The following KIF5B variants were observed in gnomAD, a reference collection of about 807,000 sequenced individuals.
The protein encoded by KIF5B is kinesin family member 5B.
In KIF5B, 49 loss-of-function variants were observed where a neutral mutation model predicts 132.8. The ratio of observed to expected loss-of-function variants is 0.37; its 90% CI spans 0.29 to 0.47. The LOEUF is 0.47. Among genes scored for constraint, KIF5B ranks in the 20% least tolerant of loss-of-function variants. The pLI, the probability that KIF5B is intolerant of heterozygous loss-of-function variation, is 1.00. For synonymous variants in KIF5B, 355 were observed against 369.4 expected, an observed-to-expected ratio of 0.96 and a Z score of 0.45; for missense variants, 780 against 1,144.0, an observed-to-expected ratio of 0.68 and a Z score of 4.59.
At chr10:32,033,697 A>C in intron 12 of KIF5B, 148 bp downstream of exon 12, 1 of 551,462 alleles carries the variant, frequency 1.8e-6, no homozygotes, top group Non-Finnish European at 3.1e-6. Flanking sequence ...TTGTTAATAC[A>C]ATAATTTTTA....
chr10:32,050,558 G>GT (rs1841680441), intron 1 of KIF5B, among the ~76,000 whole-genome samples: 1 of 152,176 alleles, frequency 6.6e-6, no homozygotes, highest in Non-Finnish European at 1.5e-5. Flanking sequence ...GTGAGGAACC[G>GT]TGAAGGGCCT....
intron 19 of KIF5B, among the ~76,000 whole-genome samples, chr10:32,020,526 T>G (rs1206042940): frequency 6.6e-6 from 1 of 152,088 alleles, no homozygotes; most frequent in Non-Finnish European, 1.5e-5. Flanking sequence ...ACTCAAGCAA[T>G]CCTCGTGCCA....
chr10:32,019,849 A>G lies in KIF5B; in HGVS notation c.2306+9T>C. The G allele has an allele frequency of 1.3e-6, 2 of 1,551,044 alleles. No homozygotes were observed. Reference sequence around the variant, plus strand: ...TATTTTTAAACTTTAATTAAAAACAATTACTCACGTAAGTTCATGTAGTTT... The same window carrying G: ...TATTTTTAAACTTTAATTAAAAACAGTTACTCACGTAAGTTCATGTAGTTT... On this transcript the variant is annotated intron_variant, in intron 20 of 25. Coordinates refer to ENST00000302418, the MANE Select transcript of KIF5B (RefSeq NM_004521.3).
At chr10:32,051,621 T>C (rs1052313038) in intron 1 of KIF5B, among the ~76,000 whole-genome samples, 4 of 152,204 alleles carry the variant, frequency 2.6e-5, no homozygotes, top group African/African-American at 4.8e-5. Flanking sequence ...AGTGATTATC[T>C]TTCTAGAAGT....
intron 14 of KIF5B, among the ~76,000 whole-genome samples, chr10:32,029,652 C>T (rs1841377029): frequency 6.6e-6 from 1 of 152,116 alleles, no homozygotes; most frequent in South Asian, 2.1e-4. Context: ...ACTGTCTAAG[C>T]ATATAAACAG....
Position 32,037,590 on chromosome 10 carries a change from A to G in KIF5B, c.516T>C (p.Phe172=), listed in dbSNP as rs746438978. Residue 172 remains phenylalanine, a synonymous_variant, in exon 7 of 26, where the codon TTT becomes TTC. Transcript: ENST00000302418. The stretch of plus-strand genomic sequence containing the variant: ...CCATAACTTCATCTGGACTACATAC[A>G]AAACGCTCTGTGCACCCCTGTGAAA... ...VPYVKGCTER[F]VCSPDEVMDT... 4.8e-5 allele frequency: 77 copies of G among 1,612,008 alleles called. 2 individuals are homozygous for G. In the South Asian group the frequency reaches 8.5e-4, roughly 18 times the overall value.
rs181679447 is a variant in KIF5B, at chr10:32,012,960, G to A, written c.*21-1444C>T. The stretch of plus-strand genomic sequence containing the variant: ...CTTGTTGCCCAGGCTGGAGTGCAAT[G>A]CCACGATCTCGGATCACTGCAAACT... On this transcript the variant is annotated intron_variant, in intron 25 of 25. Transcript: ENST00000302418. Among the ~76,000 whole-genome samples the A allele has an allele frequency of 3.0e-4, 45 of 148,444 alleles. No homozygotes were observed. The East Asian group carries it at 8.5e-3, about 28-fold the overall frequency.
rs150607673 is a variant in KIF5B at position 32,019,101 on chromosome 10, A to G, written c.2307-539T>C. On this transcript the variant is annotated intron_variant, in intron 20 of 25. Transcript: ENST00000302418. The stretch of plus-strand genomic sequence containing the variant: ...TAAAATGTGGCAGAATTCAAAGAAT[A>G]AGGAATAGTTCTATAATTTATATTT... 4.8e-4 allele frequency among the ~76,000 whole-genome samples: 73 copies of G among 152,352 alleles called. 1 individual carries two copies. The East Asian group carries it at 0.011, about 22-fold the overall frequency.
intron 25 of KIF5B, 142 bp downstream of exon 25, chr10:32,015,367 A>C: frequency 1.7e-6 from 1 of 577,544 alleles, no homozygotes; most frequent in Non-Finnish European, 2.9e-6. Flanking sequence ...AAACTACACA[A>C]AAAGATCAAA....
chr10:32,040,967 G>A (rs1841527668), intron 2 of KIF5B, among the ~76,000 whole-genome samples: 1 of 146,240 alleles, frequency 6.8e-6, no homozygotes, highest in Non-Finnish European at 1.5e-5. Flanking sequence ...CAGTCTGGGT[G>A]ACAGAGTAAG....
Position 32,026,437 on chromosome 10 carries a change from CAAAAAAA to C in KIF5B, c.1725+1984_1725+1990del, listed in dbSNP as rs71027049. On this transcript the variant is annotated intron_variant, in intron 15 of 25. Transcript: ENST00000302418. ...TGGGAGACACAGTGAGATTCCGTCT[CAAAAAAA>C]AAAAAAAAAAAAAAAAAGTAACGCT... is the stretch of plus-strand genomic sequence containing the variant. Among the ~76,000 whole-genome samples the C allele has an allele frequency of 5.2e-3, 255 of 48,946 alleles. 3 individuals are homozygous for C. Among genetic ancestry groups the C allele is most frequent in the Middle Eastern group, 0.028 (1 of 36 alleles). 32.1% of individuals were successfully genotyped at this position (48,946 alleles called of 152,430 possible).
chr10:32,017,053 T>C (rs1336315504), intron 24 of KIF5B, 90 bp downstream of exon 24: 3 of 1,048,600 alleles, frequency 2.9e-6, no homozygotes, highest in African/African-American at 1.6e-5. Context: ...AGATGCACCA[T>C]GACAACACAT....
Position 32,037,555 on chromosome 10 carries a change from T to C in KIF5B, c.551A>G (p.Asp184Gly). ...CSPDEVMDTI[D>G]EGKSNRHVAV... ...TACATGTCTGTTGGATTTTCCTTCA[T>C]CTATGGTATCCATAACTTCATCTGG... The change falls in exon 7 of 26, where the codon GAT becomes GGT. Residue 184 changes from aspartate to glycine, a missense_variant. This residue lies in a region of KIF5B where 76 missense variants were observed against 146.4 expected (regional missense o/e 0.52). Transcript: ENST00000302418. The C allele has an allele frequency of 6.2e-7, 1 of 1,613,546 alleles. No homozygotes were observed. The highest frequency in any genetic ancestry group is 8.5e-7 in the Non-Finnish European group (1 of 1,179,430).
intron 1 of KIF5B, among the ~76,000 whole-genome samples, chr10:32,055,405 C>T (rs1379938776): frequency 6.6e-6 from 1 of 152,156 alleles, no homozygotes; most frequent in Non-Finnish European, 1.5e-5. Flanking sequence ...TACTAAAGTA[C>T]ACTACGGCTT....
intron 25 of KIF5B, 80 bp downstream of exon 25, chr10:32,015,429 G>T (rs1279582083): frequency 5.4e-6 from 6 of 1,105,598 alleles, no homozygotes; most frequent in African/African-American, 3.2e-5. Context: ...ACTAATGTGA[G>T]AATTTTTTAA....
At chr10:32,052,383 T>C (rs1458658332) in intron 1 of KIF5B, among the ~76,000 whole-genome samples, 3 of 152,250 alleles carry the variant, frequency 2.0e-5, no homozygotes, top group Non-Finnish European at 4.4e-5. Flanking sequence ...AGCGAGAATG[T>C]TGTTTTGCTT....
At chr10:32,019,787 T>C (rs1841233451) in intron 20 of KIF5B, 71 bp downstream of exon 20, 1 of 1,044,236 alleles carries the variant, frequency 9.6e-7, no homozygotes, top group African/African-American at 1.6e-5. Flanking sequence ...ACTGGCTATA[T>C]CCAAAGGTAA....
chr10:32,040,551 G>T (rs1841519927), intron 2 of KIF5B, 94 bp from the exon 3 acceptor site: 7 of 644,548 alleles, frequency 1.1e-5, no homozygotes, highest in East Asian at 2.9e-5. Flanking sequence ...GTAGAGAAAA[G>T]GTTAAAAAAA....
intron 14 of KIF5B, among the ~76,000 whole-genome samples, chr10:32,030,350 C>T (rs994956098): frequency 6.6e-6 from 1 of 151,802 alleles, no homozygotes; most frequent in Non-Finnish European, 1.5e-5. Context: ...AACCCTGTTG[C>T]TACTAAAAAT....
Sources: gnomAD v4.1 joint callset for allele counts (sites outside exome capture counted in the v4.1 genomes callset) on GRCh38, gnomAD v4.1.1 for gene constraint, gnomAD v4.1.1 regional missense constraint, MANE v1.5 for transcripts, NCBI Gene and HGNC (gene_info 2026-07-23, HGNC 2026-07-21) for gene names.